The following TPCN2 variants were observed in gnomAD, a reference collection of about 807,000 sequenced individuals.
TPCN2 encodes two pore channel protein 2.
In TPCN2, 92 loss-of-function variants were observed where a neutral mutation model predicts 111.4. The observed-to-expected ratio is 0.83, with a 90% CI of 0.70 to 0.98. TPCN2 has a LOEUF of 0.98. Ranked by LOEUF, TPCN2 falls within the 50% of genes least tolerant of loss-of-function variation. The probability of loss-of-function intolerance (pLI) is 0.00; values close to 1 mark genes in which losing one functional copy is unlikely to be tolerated. For missense variants in TPCN2, 995 were observed against 980.1 expected, an observed-to-expected ratio of 1.02 and a Z score of -0.20; for synonymous variants, 405 against 414.5, an observed-to-expected ratio of 0.98 and a Z score of 0.28.
At chr11:69,083,023 A>G (rs1228357843) in intron 18 of TPCN2, among the ~76,000 whole-genome samples, 7 of 127,540 alleles carry the variant, frequency 5.5e-5, no homozygotes, top group East Asian at 2.7e-4. Flanking sequence ...CACACATCGC[A>G]TGCAGATATC....
intron 18 of TPCN2, among the ~76,000 whole-genome samples, chr11:69,082,947 T>C (rs1856103306): frequency 6.6e-6 from 1 of 151,188 alleles, no homozygotes; most frequent in Non-Finnish European, 1.5e-5. Flanking sequence ...CATGATCGTG[T>C]GTGCACACAT....
chr11:69,087,190 G>C lies in TPCN2; in HGVS notation c.2164G>C (p.Val722Leu). Reference protein sequence around the residue: ...GTPEATYQMTVELLFRDILEE... With the variant: ...GTPEATYQMTLELLFRDILEE... ...CCCAGAGGCCACCTACCAGATGACT[G>C]TGGAGCTCCTGTTCAGGTGTGTGGG... Residue 722 changes from valine to leucine, a missense_variant, in exon 24 of 25, where the codon GTG becomes CTG. Val to Leu is a conservative substitution (Grantham distance 32). Coordinates refer to ENST00000294309, the MANE Select transcript of TPCN2 (RefSeq NM_139075.4). The C allele has an allele frequency of 6.2e-7, 1 of 1,613,870 alleles. No individual in the cohort carries two copies. Among genetic ancestry groups the C allele is most frequent in the Non-Finnish European group, 8.5e-7 (1 of 1,179,840 alleles).
chr11:69,067,628 A>T lies in TPCN2; in HGVS notation c.829+23A>T, dbSNP rs111800047. On this transcript the variant is annotated intron_variant, in intron 8 of 24. Transcript: ENST00000294309. The stretch of plus-strand genomic sequence containing the variant: ...ATGGTGCGTGCAGGGCCAGGGAGGG[A>T]CCGTGGGGGTCGGTGAGCCCAGCAC... The T allele has an allele frequency of 3.4e-5, 54 of 1,611,298 alleles. 1 individual carries two copies. In the African/African-American group the frequency reaches 5.2e-4, roughly 16 times the overall value.
rs538337465 is a variant in TPCN2, at chr11:69,072,232, C to T, written c.1061+209C>T. Among the ~76,000 whole-genome samples, 194 of 152,292 alleles carry T rather than the reference C, an allele frequency of 1.3e-3. 3 individuals are homozygous for T. The South Asian group carries it at 0.015, about 12-fold the overall frequency. ...TCCATGCCTTTGTCTTCGTGCCCCC[C>T]GGGGACCCTGGGCTGGTGAAGGGCC... On this transcript the variant is annotated intron_variant, in intron 11 of 24. Coordinates refer to ENST00000294309, the MANE Select transcript of TPCN2 (RefSeq NM_139075.4).
chr11:69,066,515 GGGGACAGTGCCA>G, intron 7 of TPCN2, among the ~76,000 whole-genome samples: 2 of 152,356 alleles, frequency 1.3e-5, no homozygotes, highest in Non-Finnish European at 1.5e-5. Flanking sequence ...GGACAGACGA[GGGGACAGTGCCA>G]TTTTATAGGT....
chr11:69,080,601 GTC>G (rs1855964516), intron 17 of TPCN2, among the ~76,000 whole-genome samples: 1 of 152,192 alleles, frequency 6.6e-6, no homozygotes, highest in Non-Finnish European at 1.5e-5. Context: ...GGCTCCTTGG[GTC>G]TCTGTGTGCT....
chr11:69,082,896 C>G (rs113530959), intron 18 of TPCN2, among the ~76,000 whole-genome samples: 2 of 150,990 alleles, frequency 1.3e-5, no homozygotes, highest in African/African-American at 4.9e-5. Flanking sequence ...GTGCACACAT[C>G]GCGTGCAGAT....
chr11:69,053,916 CT>C (rs1253452974), intron 1 of TPCN2, 116 bp from the exon 2 acceptor site: 77 of 879,236 alleles, frequency 8.8e-5, no homozygotes, highest in Non-Finnish European at 1.3e-4. Context: ...GGAGTCATCT[CT>C]TTACAAACGG....
intron 22 of TPCN2, 124 bp from the exon 23 acceptor site, chr11:69,086,399 C>T (rs982088155): frequency 3.8e-5 from 30 of 797,198 alleles, no homozygotes; most frequent in Non-Finnish European, 4.6e-5. Flanking sequence ...GTAACGCGCT[C>T]TGCATCATGG....
intron 6 of TPCN2, among the ~76,000 whole-genome samples, chr11:69,063,438 G>A (rs1018726334): frequency 1.3e-5 from 2 of 152,004 alleles, no homozygotes; most frequent in South Asian, 2.1e-4. Flanking sequence ...CACTAGAAGC[G>A]TGGGGCTCTC....
chr11:69,068,803 G>T (rs1855383277), intron 8 of TPCN2, among the ~76,000 whole-genome samples: 1 of 67,050 alleles, frequency 1.5e-5, no homozygotes, highest in Non-Finnish European at 3.2e-5. Context: ...CCTAGGAAGT[G>T]ACCGCAGTGG....
chr11:69,065,134 G>C (rs1202076966), intron 7 of TPCN2, among the ~76,000 whole-genome samples: 1 of 152,140 alleles, frequency 6.6e-6, no homozygotes, highest in Non-Finnish European at 1.5e-5. Flanking sequence ...GTGTGCATGT[G>C]TGTGCGTATC....
At chr11:69,054,341 C>G (rs376775702) in intron 2 of TPCN2, 1 of 578,106 alleles carries the variant, frequency 1.7e-6, no homozygotes. Context: ...CCACCCCATT[C>G]TAGGTCCCGG....
chr11:69,079,668 C>T, intron 16 of TPCN2, 166 bp from the exon 17 acceptor site: 1 of 601,180 alleles, frequency 1.7e-6, no homozygotes, highest in Non-Finnish European at 2.9e-6. Flanking sequence ...TGAAAGAAGT[C>T]CTGACATCTG....
In TPCN2 at chr11:69,078,536, T is replaced by A; in HGVS notation, c.1285T>A (p.Phe429Ile). The A allele has an allele frequency of 6.2e-7, 1 of 1,614,172 alleles. No homozygotes were observed. The part of the protein sequence containing the change: ...SPFLQSAQFL[F>I]GHYYFDYLGN... ...GTTTCTGCAGAGCGCCCAGTTCCTC[T>A]TCGGCCACTACTACTTTGACTACCT... The change falls in exon 14 of 25, where the codon TTC becomes ATC. Residue 429 changes from phenylalanine (F) to isoleucine (I), a missense_variant. Physicochemically the swap from Phe to Ile is conservative, Grantham distance 21. Transcript: ENST00000294309.
In TPCN2 at chr11:69,072,944, C is replaced by G. The variant is rs1466220; in HGVS notation, c.1173C>G (p.Leu391=). The change falls in exon 13 of 25, where the codon CTC becomes CTG. Residue 391 remains leucine, a synonymous_variant. Coordinates refer to ENST00000294309, the MANE Select transcript of TPCN2 (RefSeq NM_139075.4). The part of the protein sequence containing the change: ...EKVRSYGSVL[L]SAEEFQKLFN... ...TGCGTTCCTATGGCAGTGTTCTGCT[C>G]TCAGCTGAGGAGTTTCAGAAGCTCT... 0.47 allele frequency: 753,974 copies of G among 1,607,914 alleles called. 182,404 individuals are homozygous for G. The highest frequency in any genetic ancestry group is 0.51 in the Non-Finnish European group (595,147 of 1,174,828).
In TPCN2 at chr11:69,056,998, C is replaced by T. The variant is rs963811468; in HGVS notation, c.430-580C>T. ...GATTACAGGTGCCTGCCACCATGCC[C>T]GGCTAATTTTTCTATTTTTGGTGGA... On this transcript the variant is annotated intron_variant, in intron 4 of 24. Coordinates refer to ENST00000294309, the MANE Select transcript of TPCN2 (RefSeq NM_139075.4). Among the ~76,000 whole-genome samples, 6 of 152,068 alleles carry T rather than the reference C, an allele frequency of 3.9e-5. No homozygotes were observed. The East Asian group carries it at 7.7e-4, about 20-fold the overall frequency.
Position 69,084,010 on chromosome 11 carries a change from C to A in TPCN2, c.1755C>A (p.Ile585=), listed in dbSNP as rs1187348291. The part of the protein sequence containing the change: ...LVQNMRAFGG[I]LVVVYYVFAI... ...AGAACATGCGTGCGTTTGGCGGGAT[C>A]CTGGTGGTGAGTCCCAGGCTGCTGC... Residue 585 remains isoleucine, a synonymous_variant, in exon 19 of 25, where the codon ATC becomes ATA. Transcript: ENST00000294309. The A allele has an allele frequency of 7.4e-6, 12 of 1,614,088 alleles. No individual in the cohort carries two copies. Among genetic ancestry groups the A allele is most frequent in the Non-Finnish European group, 1.0e-5 (12 of 1,179,994 alleles).
In TPCN2 at chr11:69,086,587, C is replaced by T; in HGVS notation, c.2068C>T (p.Leu690=). Residue 690 remains leucine, a synonymous_variant, in exon 23 of 25, where the codon CTG becomes TTG. Coordinates refer to ENST00000294309, the MANE Select transcript of TPCN2 (RefSeq NM_139075.4). ...VSSVIWVNLF[L]ALILENFLHK... ...GTCTGTCATCTGGGTCAACCTGTTT[C>T]TGGCCCTGATTCTGGAGGTATCAGA... is the stretch of plus-strand genomic sequence containing the variant. 1.2e-6 allele frequency: 2 copies of T among 1,614,060 alleles called. No homozygotes were observed. The highest frequency in any genetic ancestry group is 1.7e-6 in the Non-Finnish European group (2 of 1,179,980).
Sources: allele counts gnomAD v4.1 joint callset (sites outside exome capture counted in the v4.1 genomes callset), GRCh38; gene constraint gnomAD v4.1.1; transcripts MANE v1.5; gene names NCBI Gene and HGNC (gene_info 2026-07-23, HGNC 2026-07-21).